The following PCDHGB7 variants were observed in gnomAD, a reference collection of about 807,000 sequenced individuals.
PCDHGB7 encodes the protein protocadherin gamma subfamily B, 7, also known as protocadherin gamma-B7.
PCDHGB7 carries 37 observed loss-of-function variants against 61.4 expected under a neutral mutation model. The observed-to-expected ratio is 0.60, with a 90% confidence interval of 0.46 to 0.79. The LOEUF is 0.79. Among genes scored for constraint, PCDHGB7 ranks in the 30% least tolerant of loss-of-function variants. The pLI is 0.00. For missense variants in PCDHGB7, 1,166 were observed against 1,202.5 expected, an observed-to-expected ratio of 0.97 and a Z score of 0.45; for synonymous variants, 464 against 503.5, an observed-to-expected ratio of 0.92 and a Z score of 1.05.
rs749781059 is a variant in PCDHGB7 at position 141,477,983 on chromosome 5, C to G, written c.2416-16824C>G. On this transcript the variant is annotated intron_variant, in intron 1 of 3. Coordinates refer to ENST00000398594, the MANE Select transcript of PCDHGB7 (RefSeq NM_018927.4). This position sits in a 1 kb window ranked among gnomAD's most constrained non-coding sequence, Gnocchi z 4.9. ...TAACCAGAGCCTTTTTGCCATAGGG[C>G]TGCACACTGGTCAAATCAGTACTGC... The G allele has an allele frequency of 1.7e-5, 27 of 1,614,126 alleles. No homozygotes were observed. The highest frequency in any genetic ancestry group is 2.3e-5 in the Non-Finnish European group (27 of 1,180,024).
Position 141,419,779 on chromosome 5 carries a change from GCGCCTGCTAGT to G in PCDHGB7, c.1924_1934del (p.Leu642CysfsTer22). ...TGGGTGACAAGGACTCGGTCCGCCA[GCGCCTGCTAGT>G]CGCTGTAAGAGATGGAGGACAGCCA... On this transcript the variant is annotated frameshift_variant, in exon 1 of 4. Transcript: ENST00000398594. LOFTEE classifies it high-confidence loss of function. 6.2e-7 allele frequency: 1 copy of G among 1,614,064 alleles called. No individual in the cohort carries two copies. Among genetic ancestry groups the G allele is most frequent in the Non-Finnish European group, 8.5e-7 (1 of 1,179,908 alleles).
chr5:141,504,728 G>A (rs978910481), intron 2 of PCDHGB7, among the ~76,000 whole-genome samples: 5 of 151,522 alleles, frequency 3.3e-5, no homozygotes, highest in African/African-American at 9.7e-5. Context: ...TACTCTGAGG[G>A]CTTAGGAAGC....
chr5:141,462,999 C>T (rs1360054048), intron 1 of PCDHGB7, among the ~76,000 whole-genome samples: 1 of 152,068 alleles, frequency 6.6e-6, no homozygotes, highest in Non-Finnish European at 1.5e-5. Flanking sequence ...TAATTTAGAC[C>T]TACCACTTAA....
chr5:141,494,943 G>A, intron 2 of PCDHGB7, 78 bp downstream of exon 2: 2 of 1,610,326 alleles, frequency 1.2e-6, no homozygotes, highest in Non-Finnish European at 1.7e-6. Flanking sequence ...ATGGGGGAGG[G>A]CCCAGCATTT....
chr5:141,491,583 C>G lies in PCDHGB7; in HGVS notation c.2416-3224C>G. On this transcript the variant is annotated intron_variant, in intron 1 of 3. Coordinates refer to ENST00000398594, the MANE Select transcript of PCDHGB7 (RefSeq NM_018927.4). This position sits in a 1 kb window ranked among gnomAD's most constrained non-coding sequence, Gnocchi z 6.9. ...GCTACAGGACGTGCTTTTCACCGGC[C>G]TCGGACGGCAGTGACTTCACTTTTC... is the stretch of plus-strand genomic sequence containing the variant. 1 of 1,613,964 alleles carries G rather than the reference C, an allele frequency of 6.2e-7. No individual in the cohort carries two copies. The highest frequency in any genetic ancestry group is 8.5e-7 in the Non-Finnish European group (1 of 1,180,046).
Position 141,477,286 on chromosome 5 carries a change from A to G in PCDHGB7, c.2416-17521A>G, listed in dbSNP as rs1367207950. 1.9e-6 allele frequency: 3 copies of G among 1,614,194 alleles called. No individual in the cohort carries two copies. Among genetic ancestry groups the G allele is most frequent in the Non-Finnish European group, 8.5e-7 (1 of 1,180,034 alleles). ...GCGAGAACGGGCTGGTGACCTGCGA[A>G]GTTCCACCGGGTCTCCCTTTCAGCC... On this transcript the variant is annotated intron_variant, in intron 1 of 3. Coordinates refer to ENST00000398594, the MANE Select transcript of PCDHGB7 (RefSeq NM_018927.4). The surrounding 1 kb of genome is among the most constrained non-coding windows in gnomAD (Gnocchi z 4.9).
At position 141,431,510 on chromosome 5, in the gene PCDHGB7, G is replaced by T; in HGVS notation, c.2415+11236G>T. On this transcript the variant is annotated intron_variant, in intron 1 of 3. Transcript: ENST00000398594. The surrounding 1 kb of genome is among the most constrained non-coding windows in gnomAD (Gnocchi z 4.8). ...TGCTCAGCCCGAGTACCGCGCGAGC[G>T]TTCCGGAGAATCTGGCCTTGGGCAC... 1 of 1,614,022 alleles carries T rather than the reference G, an allele frequency of 6.2e-7. No individual in the cohort carries two copies. Among genetic ancestry groups the T allele is most frequent in the Non-Finnish European group, 8.5e-7 (1 of 1,180,026 alleles).
At chr5:141,465,644 A>G (rs1320011410) in intron 1 of PCDHGB7, among the ~76,000 whole-genome samples, 2 of 152,186 alleles carry the variant, frequency 1.3e-5, no homozygotes, top group African/African-American at 4.8e-5. Context: ...TGCTTTGAAC[A>G]TCCCAAAAAA....
chr5:141,438,122 A>T (rs1272350030), intron 1 of PCDHGB7, among the ~76,000 whole-genome samples: 1 of 152,214 alleles, frequency 6.6e-6, no homozygotes, highest in Non-Finnish European at 1.5e-5. Flanking sequence ...CATTCCTAAA[A>T]TATTAATGGC....
Position 141,510,362 on chromosome 5 carries a change from C to T in PCDHGB7, c.2564-585C>T, listed in dbSNP as rs74321279. Among the ~76,000 whole-genome samples the T allele has an allele frequency of 2.0e-4, 29 of 142,136 alleles. No homozygotes were observed. In the East Asian group the frequency reaches 5.7e-3, roughly 28 times the overall value. The allele number at this position is 142,136 out of a possible 152,430, so 93.2% of individuals were successfully genotyped here. A position where few individuals can be genotyped will look rare whatever the true frequency, so the allele number is the denominator to read the frequency against. On this transcript the variant is annotated intron_variant, in intron 3 of 3. Coordinates refer to ENST00000398594, the MANE Select transcript of PCDHGB7 (RefSeq NM_018927.4). ...CCCACACACTTACTAACGGAACTAC[C>T]GAATCTCTACTCGTGCCAGGCCTTG... is the stretch of plus-strand genomic sequence containing the variant.
chr5:141,481,842 T>C (rs1402237517), intron 1 of PCDHGB7, among the ~76,000 whole-genome samples: 1 of 144,038 alleles, frequency 6.9e-6, no homozygotes, highest in Non-Finnish European at 1.5e-5. Flanking sequence ...AATCGCTTGA[T>C]GGTGGAGGTT....
intron 1 of PCDHGB7, chr5:141,442,020 A>G (rs1461958612): frequency 4.6e-6 from 1 of 219,170 alleles, no homozygotes; most frequent in South Asian, 5.2e-5. Context: ...GATGGGCCAC[A>G]GGAAAGCGAC....
chr5:141,475,821 G>T, intron 1 of PCDHGB7: 1 of 352,534 alleles, frequency 2.8e-6, no homozygotes, highest in Non-Finnish European at 5.1e-6. Context: ...AGTTCCTGGC[G>T]CTAGCGCGTG....
rs966009387 is a variant in PCDHGB7, at chr5:141,511,564, G to A, written c.*391G>A. The A allele has an allele frequency of 3.0e-5, 9 of 295,900 alleles. No individual in the cohort carries two copies. The highest frequency in any genetic ancestry group is 4.6e-5 in the Non-Finnish European group (7 of 151,798). The allele number at this position is 295,900 out of a possible 1,614,324, so 18.3% of individuals were successfully genotyped here. A position where few individuals can be genotyped will look rare whatever the true frequency, so the allele number is the denominator to read the frequency against. ...CCCACTCCAACAGTTCCTCTTTCCC[G>A]AGTAAGGTGGTTGGGGTGTTGAAGT... On this transcript the variant is annotated 3_prime_UTR_variant, in exon 4 of 4. Transcript: ENST00000398594.
At position 141,419,944 on chromosome 5, in the gene PCDHGB7, C is replaced by T. The variant is rs1375807568; in HGVS notation, c.2085C>T (p.Ala695=). The T allele has an allele frequency of 6.2e-7, 1 of 1,614,066 alleles. No homozygotes were observed. Among genetic ancestry groups the T allele is most frequent in the South Asian group, 1.1e-5 (1 of 91,088 alleles). The change falls in exon 1 of 4, where the codon GCC becomes GCT. Residue 695 remains alanine (A), a synonymous_variant. Transcript: ENST00000398594. ...QAEMQFYLVV[A]LALISVLFLL... ...AGATGCAGTTTTACCTGGTGGTGGC[C>T]TTGGCCTTGATTTCTGTGCTCTTTC...
chr5:141,438,576 A>C (rs1016175176), intron 1 of PCDHGB7, among the ~76,000 whole-genome samples: 4 of 55,572 alleles, frequency 7.2e-5, no homozygotes, highest in Non-Finnish European at 1.2e-4. Context: ...TCTGATATAC[A>C]TACATACATA....
intron 1 of PCDHGB7, among the ~76,000 whole-genome samples, chr5:141,447,993 T>A (rs2098557542): frequency 6.6e-6 from 1 of 151,554 alleles, no homozygotes; most frequent in Non-Finnish European, 1.5e-5. Context: ...GGCTGAGGCA[T>A]GAGAATCGCT....
rs778744503 is a variant in PCDHGB7, at chr5:141,511,152, G to A, written c.2769G>A (p.Ser923=). Residue 923 remains serine (S), a synonymous_variant, in exon 4 of 4, where the codon TCG becomes TCA. Transcript: ENST00000398594. The part of the protein sequence containing the change: ...PAGGNGNKKK[S]GKKEKK ...GTGGCAATGGCAACAAGAAGAAGTCGGGCAAGAAGGAGAAGAAGTAACATG... is the reference window on the plus strand; with the variant it reads ...GTGGCAATGGCAACAAGAAGAAGTCAGGCAAGAAGGAGAAGAAGTAACATG... The A allele has an allele frequency of 2.0e-5, 32 of 1,614,022 alleles. No individual in the cohort carries two copies. Among genetic ancestry groups the A allele is most frequent in the South Asian group, 4.4e-5 (4 of 91,090 alleles).
rs1237542659 is a variant in PCDHGB7 at position 141,418,435 on chromosome 5, A to G, written c.576A>G (p.Pro192=). Residue 192 remains proline (P), a synonymous_variant, in exon 1 of 4, where the codon CCA becomes CCG. Coordinates refer to ENST00000398594, the MANE Select transcript of PCDHGB7 (RefSeq NM_018927.4). Reference sequence around the variant, plus strand: ...ACAATCCTGATGGTGGCAAATATCCAGAATTAGTATTGCAGAAGACTCTGG... The same window carrying G: ...ACAATCCTGATGGTGGCAAATATCCGGAATTAGTATTGCAGAAGACTCTGG... The part of the protein sequence containing the change: ...EKDNPDGGKY[P]ELVLQKTLDR... The G allele has an allele frequency of 6.2e-7, 1 of 1,614,038 alleles. No individual in the cohort carries two copies. Among genetic ancestry groups the G allele is most frequent in the South Asian group, 1.1e-5 (1 of 91,092 alleles).
Sources: allele counts gnomAD v4.1 joint callset (sites outside exome capture counted in the v4.1 genomes callset), GRCh38; gene constraint gnomAD v4.1.1; non-coding constraint Gnocchi (gnomAD v3.1); transcripts MANE v1.5; gene names NCBI Gene and HGNC (gene_info 2026-07-23, HGNC 2026-07-21).